Variants in IGSF21 observed in about 807,000 individuals in gnomAD.
IGSF21 encodes immunoglobin superfamily member 21.
Under a neutral mutation model 46.8 loss-of-function variants are expected in IGSF21, and 28 were observed. The observed-to-expected ratio is 0.60, with a 90% CI of 0.44 to 0.82. IGSF21 has a LOEUF of 0.82. Ranked by LOEUF, IGSF21 falls within the 40% of genes least tolerant of loss-of-function variation. The pLI, the probability that IGSF21 is intolerant of heterozygous loss-of-function variation, is 0.00. For synonymous variants in IGSF21, 284 were observed against 273.6 expected (o/e 1.04, Z -0.38); for missense variants, 624 against 665.5 (o/e 0.94, Z 0.69).
intron 3 of IGSF21, among the ~76,000 whole-genome samples, chr1:18,297,646 C>T (rs1025257458): frequency 2.0e-5 from 3 of 152,098 alleles, no homozygotes; most frequent in African/African-American, 7.2e-5. Context: ...TCCTAGGATT[C>T]TCAAGTCCCA....
intron 1 of IGSF21, among the ~76,000 whole-genome samples, chr1:18,153,968 C>G (rs562573936): frequency 1.3e-5 from 2 of 152,124 alleles, no homozygotes; most frequent in African/African-American, 4.8e-5. Context: ...GAGTCTTGCC[C>G]GCATCACACA....
At chr1:18,279,569 C>T (rs903089912) in intron 2 of IGSF21, among the ~76,000 whole-genome samples, 1 of 152,158 alleles carries the variant, frequency 6.6e-6, no homozygotes, top group Non-Finnish European at 1.5e-5. Context: ...GAGCCAAGGC[C>T]CAGAGAGGGA....
At chr1:18,313,109 C>T (rs1468385911) in intron 3 of IGSF21, among the ~76,000 whole-genome samples, 1 of 152,132 alleles carries the variant, frequency 6.6e-6, no homozygotes, top group Non-Finnish European at 1.5e-5. Context: ...CGAGCAGACC[C>T]GCCGGGTACC....
intron 1 of IGSF21, among the ~76,000 whole-genome samples, chr1:18,208,470 C>T (rs1255248111): frequency 2.7e-5 from 4 of 146,032 alleles, no homozygotes; most frequent in African/African-American, 1.0e-4. Context: ...CAAGTTCCGC[C>T]TCCCGGGTTC....
At chr1:18,259,251 C>A (rs527988335) in intron 2 of IGSF21, among the ~76,000 whole-genome samples, 2 of 152,246 alleles carry the variant, frequency 1.3e-5, no homozygotes, top group Non-Finnish European at 2.9e-5. Flanking sequence ...CTTTGGGCAT[C>A]TTTCTGATGC....
At chr1:18,164,358 T>G (rs2086657781) in intron 1 of IGSF21, among the ~76,000 whole-genome samples, 1 of 151,924 alleles carries the variant, frequency 6.6e-6, no homozygotes, top group African/African-American at 2.4e-5. Context: ...TTCCTTTCAT[T>G]CTTCTCCTTA....
chr1:18,374,773 G>A (rs922226125), intron 6 of IGSF21, among the ~76,000 whole-genome samples: 14 of 152,306 alleles, frequency 9.2e-5, no homozygotes, highest in African/African-American at 2.4e-4. Context: ...AGAGCTTTGC[G>A]TCAGAAAGAG....
intron 1 of IGSF21, chr1:18,115,956 A>G (rs1019032003): frequency 5.3e-5 from 8 of 152,012 alleles, no homozygotes; most frequent in Admixed American, 3.9e-4. Context: ...AGCAGCTACT[A>G]TGTGCCAAAC....
chr1:18,358,236 G>T (rs2086045905), intron 4 of IGSF21, among the ~76,000 whole-genome samples: 1 of 152,008 alleles, frequency 6.6e-6, no homozygotes, highest in African/African-American at 2.4e-5. Flanking sequence ...GGAAAGTCTA[G>T]ACCAGAGTTG....
At chr1:18,156,582 G>A (rs2086571478) in intron 1 of IGSF21, among the ~76,000 whole-genome samples, 1 of 152,216 alleles carries the variant, frequency 6.6e-6, no homozygotes, top group South Asian at 2.1e-4. Flanking sequence ...GATTCCCATT[G>A]ATCCCCTGTA....
chr1:18,363,832 C>T (rs1357894366), intron 5 of IGSF21, among the ~76,000 whole-genome samples: 1 of 142,124 alleles, frequency 7.0e-6, no homozygotes, highest in Non-Finnish European at 1.5e-5. Context: ...TGGGCAGGGG[C>T]ACAGAGACAC....
chr1:18,236,730 G>GGA (rs71575878), intron 2 of IGSF21, among the ~76,000 whole-genome samples: 124,416 of 152,076 alleles, frequency 0.82, 51,744 homozygotes, highest in Non-Finnish European at 0.9. Flanking sequence ...AAGACGGTGA[G>GGA]GAGTGGAGTG....
chr1:18,216,182 A>T (rs11260956), intron 1 of IGSF21, among the ~76,000 whole-genome samples: 15,250 of 152,194 alleles, frequency 0.1, 857 homozygotes, highest in East Asian at 0.14. Flanking sequence ...GATGCAAATT[A>T]CCCTAGGTGA....
At chr1:18,207,869 T>A (rs1356000) in intron 1 of IGSF21, among the ~76,000 whole-genome samples, 25,354 of 152,122 alleles carry the variant, frequency 0.17, 2,319 homozygotes, top group Non-Finnish European at 0.2. Flanking sequence ...AGTGCATGAA[T>A]CAATGTGCTT....
intron 3 of IGSF21, among the ~76,000 whole-genome samples, chr1:18,301,349 T>C (rs2085359903): frequency 6.6e-6 from 1 of 152,074 alleles, no homozygotes; most frequent in South Asian, 2.1e-4. Flanking sequence ...TGTTTGTTTG[T>C]TTGTTTTTGA....
chr1:18,229,629 C>T (rs2084604187), intron 2 of IGSF21, among the ~76,000 whole-genome samples: 2 of 152,242 alleles, frequency 1.3e-5, no homozygotes. Flanking sequence ...CTGGGCTTCA[C>T]AGGTGTGAAC....
chr1:18,333,740 C>A (rs1309523720), intron 3 of IGSF21, among the ~76,000 whole-genome samples: 1 of 152,152 alleles, frequency 6.6e-6, no homozygotes, highest in African/African-American at 2.4e-5. Context: ...GAGCAACATA[C>A]CAACTCATTT....
intron 2 of IGSF21, among the ~76,000 whole-genome samples, chr1:18,281,830 A>G (rs572530858): frequency 6.6e-6 from 1 of 152,246 alleles, no homozygotes; most frequent in South Asian, 2.1e-4. Flanking sequence ...GGTCTGGAGG[A>G]GGGACCTGAG....
intron 4 of IGSF21, among the ~76,000 whole-genome samples, chr1:18,344,924 G>A (rs2085877809): frequency 6.6e-6 from 1 of 152,226 alleles, no homozygotes; most frequent in Admixed American, 6.5e-5. Flanking sequence ...CTGCTCCACA[G>A]GGGAAGCGAG....
Sources: allele counts gnomAD v4.1 joint callset (sites outside exome capture counted in the v4.1 genomes callset), GRCh38; gene constraint gnomAD v4.1.1; transcripts MANE v1.5; gene names NCBI Gene and HGNC (gene_info 2026-07-23, HGNC 2026-07-21).